Variants in ZFYVE26 observed in about 807,000 individuals in gnomAD.
ZFYVE26 encodes the protein zinc finger FYVE-type containing 26.
ZFYVE26 carries 181 observed loss-of-function variants against 276.5 expected under a neutral mutation model. That is an observed-to-expected ratio of 0.65 (90% CI 0.58 to 0.74). ZFYVE26 has a LOEUF of 0.74. ZFYVE26 is among the 30% of genes least tolerant of loss of function. The probability of loss-of-function intolerance (pLI) is 0.00; values close to 1 mark genes in which losing one functional copy is unlikely to be tolerated. For missense variants in ZFYVE26, 2,821 were observed against 3,097.9 expected (o/e 0.91, Z 2.12); for synonymous variants, 1,129 against 1,203.1 (o/e 0.94, Z 1.27).
chr14:67,752,145 C>T (rs546959622), intron 40 of ZFYVE26, among the ~76,000 whole-genome samples, 199 bp downstream of exon 40: 1 of 152,294 alleles, frequency 6.6e-6, no homozygotes, highest in South Asian at 2.1e-4. Flanking sequence ...GGGTCACCTT[C>T]TGGGTATAGA....
intron 41 of ZFYVE26, among the ~76,000 whole-genome samples, chr14:67,749,998 T>C (rs1328497450): frequency 6.6e-6 from 1 of 152,146 alleles, no homozygotes; most frequent in Non-Finnish European, 1.5e-5. Context: ...GAAAAAGTAA[T>C]AAGGACTGTC....
At chr14:67,746,178 C>G (rs2038484782), downstream of ZFYVE26, among the ~76,000 whole-genome samples, 1 of 152,136 alleles carries the variant, frequency 6.6e-6, no homozygotes, top group Non-Finnish European at 1.5e-5. Flanking sequence ...ACACTAGACA[C>G]TGATAACAAT....
intron 6 of ZFYVE26, among the ~76,000 whole-genome samples, chr14:67,806,067 G>A (rs1425486761): frequency 6.6e-6 from 1 of 152,134 alleles, no homozygotes; most frequent in Non-Finnish European, 1.5e-5. Context: ...TAAAATAAAT[G>A]TTTATGAAAA....
chr14:67,767,864 G>C, intron 30 of ZFYVE26, 24 bp from the exon 31 acceptor site: 1 of 1,614,088 alleles, frequency 6.2e-7, no homozygotes, highest in Non-Finnish European at 8.5e-7. Flanking sequence ...TGCCATTCAT[G>C]TGTCATTCAC....
chr14:67,791,466 A>G (rs905570098), intron 14 of ZFYVE26, among the ~76,000 whole-genome samples: 5 of 152,204 alleles, frequency 3.3e-5, no homozygotes, highest in Non-Finnish European at 7.3e-5. Context: ...TAGATTTGAA[A>G]TAATCTCAGC....
chr14:67,798,880 T>G, intron 10 of ZFYVE26: 1 of 881,940 alleles, frequency 1.1e-6, no homozygotes, highest in Non-Finnish European at 1.7e-6. Flanking sequence ...CTCCCCAGCC[T>G]TTTGGCCACC....
At chr14:67,755,586 C>T (rs375815817) in intron 36 of ZFYVE26, among the ~76,000 whole-genome samples, 9 of 152,206 alleles carry the variant, frequency 5.9e-5, no homozygotes, top group Admixed American at 3.3e-4. Flanking sequence ...TTGGGAGGAA[C>T]GTGTTCCTTC....
At chr14:67,800,574 C>CT (rs1471610489) in intron 10 of ZFYVE26, among the ~76,000 whole-genome samples, 2 of 152,054 alleles carry the variant, frequency 1.3e-5, no homozygotes, top group Non-Finnish European at 2.9e-5. Flanking sequence ...TTCTGACTGT[C>CT]TAACTTTGAA....
intron 40 of ZFYVE26, 99 bp downstream of exon 40, chr14:67,752,245 T>C (rs1475144694): frequency 2.1e-6 from 3 of 1,418,664 alleles, no homozygotes; most frequent in East Asian, 5.0e-5. Context: ...AAGGATCTTG[T>C]AGAGTTTCAG....
In ZFYVE26 at chr14:67,776,103, G is replaced by A; in HGVS notation, c.4978C>T (p.Leu1660=). Residue 1660 remains leucine, a synonymous_variant, in exon 26 of 42, where the codon CTG becomes TTG. Coordinates refer to ENST00000347230, the MANE Select transcript of ZFYVE26 (RefSeq NM_015346.4). ...IQALYVGSKI[L]LTLPEQHRAS... ...CGGTGCTGCTCAGGCAGGGTCAGCAGAATCTGTTTGTGGGGTAGATCCATA... is the reference window on the plus strand; with the variant it reads ...CGGTGCTGCTCAGGCAGGGTCAGCAAAATCTGTTTGTGGGGTAGATCCATA... 1 of 1,614,140 alleles carries A rather than the reference G, an allele frequency of 6.2e-7. No individual in the cohort carries two copies. Among genetic ancestry groups the A allele is most frequent in the Non-Finnish European group, 8.5e-7 (1 of 1,180,012 alleles).
intron 21 of ZFYVE26, among the ~76,000 whole-genome samples, chr14:67,781,830 A>G (rs2039508445): frequency 6.6e-6 from 1 of 152,172 alleles, no homozygotes; most frequent in African/African-American, 2.4e-5. Flanking sequence ...GAAGAGATGA[A>G]GCTCTCCATG....
chr14:67,810,730 A>G (rs1566900103), intron 3 of ZFYVE26, among the ~76,000 whole-genome samples: 1 of 152,196 alleles, frequency 6.6e-6, no homozygotes, highest in Non-Finnish European at 1.5e-5. Flanking sequence ...CCAGACACAA[A>G]TAAAAATAGC....
intron 41 of ZFYVE26, 39 bp downstream of exon 41, chr14:67,751,013 T>C: frequency 2.5e-6 from 4 of 1,613,810 alleles, no homozygotes; most frequent in African/African-American, 1.3e-5. Context: ...GAGACACAAT[T>C]CATTGGCATC....
At chr14:67,768,005 C>T (rs1436896250) in intron 30 of ZFYVE26, among the ~76,000 whole-genome samples, 165 bp from the exon 31 acceptor site, 4 of 152,192 alleles carry the variant, frequency 2.6e-5, no homozygotes, top group African/African-American at 9.7e-5. Flanking sequence ...CCACTAAGCA[C>T]CTCAAACCAT....
At chr14:67,800,242 G>C (rs1214980616) in intron 10 of ZFYVE26, among the ~76,000 whole-genome samples, 1 of 152,136 alleles carries the variant, frequency 6.6e-6, no homozygotes, top group African/African-American at 2.4e-5. Context: ...AAATGTGAAT[G>C]GTGTTTAGGA....
intron 27 of ZFYVE26, among the ~76,000 whole-genome samples, chr14:67,774,211 A>G (rs1412869094): frequency 6.6e-6 from 1 of 152,226 alleles, no homozygotes; most frequent in Non-Finnish European, 1.5e-5. Flanking sequence ...CAACCTCTAT[A>G]TAACAGTGAC....
chr14:67,784,707 C>T (rs867585156), intron 19 of ZFYVE26, among the ~76,000 whole-genome samples: 2 of 152,148 alleles, frequency 1.3e-5, no homozygotes, highest in African/African-American at 2.4e-5. Context: ...CTCTTCAACC[C>T]GACTGAAGTG....
chr14:67,759,118 G>A (rs1418612084), intron 35 of ZFYVE26, among the ~76,000 whole-genome samples: 8 of 151,442 alleles, frequency 5.3e-5, no homozygotes, highest in African/African-American at 1.5e-4. Flanking sequence ...GGTGGCGGGC[G>A]CTTGTAGTCC....
chr14:67,761,696 G>A (rs566650761), intron 34 of ZFYVE26, 112 bp from the exon 35 acceptor site: 2 of 869,792 alleles, frequency 2.3e-6, no homozygotes, highest in South Asian at 1.4e-5. Flanking sequence ...CATGGCACAT[G>A]TATACATATG....
Sources: allele counts gnomAD v4.1 joint callset (sites outside exome capture counted in the v4.1 genomes callset), GRCh38; gene constraint gnomAD v4.1.1; transcripts MANE v1.5; gene names NCBI Gene and HGNC (gene_info 2026-07-23, HGNC 2026-07-21).